Variants in DNAH9 observed in about 807,000 individuals in gnomAD.
The protein encoded by DNAH9 is DNAH9 variant protein.
In DNAH9, 345 loss-of-function variants were observed where a neutral mutation model predicts 471.6. The observed-to-expected ratio is 0.73, with a 90% CI of 0.67 to 0.80. The LOEUF (loss-of-function observed/expected upper bound fraction) is 0.80, where lower values mean the gene tolerates loss of function less well. Among genes scored for constraint, DNAH9 ranks in the 30% least tolerant of loss-of-function variants. The probability of loss-of-function intolerance (pLI) is 0.00; values close to 1 mark genes in which losing one functional copy is unlikely to be tolerated. For synonymous variants in DNAH9, 2,093 were observed against 2,123.6 expected (o/e 0.99, Z 0.40); for missense variants, 5,407 against 5,609.2 (o/e 0.96, Z 1.15).
At position 11,807,875 on chromosome 17, in the gene DNAH9, A is replaced by G; in HGVS notation, c.8564A>G (p.Tyr2855Cys). 1 of 1,610,348 alleles carries G rather than the reference A, an allele frequency of 6.2e-7. No homozygotes were observed. Among genetic ancestry groups the G allele is most frequent in the Non-Finnish European group, 8.5e-7 (1 of 1,177,094 alleles). Reference sequence around the variant, plus strand: ...TTCCAGATCACACTGCGCAAAGGCTACCAGATCCAGGACTTCAAGGTAAAA... The same window carrying G: ...TTCCAGATCACACTGCGCAAAGGCTGCCAGATCCAGGACTTCAAGGTAAAA... ...DVFQITLRKG[Y>C]QIQDFKMDLA... Residue 2855 changes from tyrosine (Y) to cysteine (C), a missense_variant, in exon 44 of 69, where the codon TAC becomes TGC. By Grantham distance (194) the Tyr-to-Cys change is radical (BLOSUM62 -2). Around this residue, in one of 3 missense-constraint regions of DNAH9, gnomAD observed 4,636 missense variants for 4,900.3 expected, o/e 0.95. Coordinates refer to ENST00000262442, the MANE Select transcript of DNAH9 (RefSeq NM_001372.4).
chr17:11,747,641 G>A lies in DNAH9; in HGVS notation c.6485G>A (p.Arg2162Lys), dbSNP rs61743635. The A allele has an allele frequency of 0.091, 146,569 of 1,613,972 alleles. 7,107 individuals carry two copies. Among genetic ancestry groups the A allele is most frequent in the East Asian group, 0.15 (6,546 of 44,844 alleles). ...GAGTGKSQVLRSLHKTYQIMK... is the reference protein window; with the variant it reads ...GAGTGKSQVLKSLHKTYQIMK... ...GGTACCGGCAAGTCACAGGTGCTGA[G>A]GTCCTTGCACAAGACCTATCAGATC... Residue 2162 changes from arginine (R) to lysine (K), a missense_variant, in exon 32 of 69, where the codon AGG (arginine) becomes AAG (lysine). By Grantham distance (26) the Arg-to-Lys change is conservative. Coordinates refer to ENST00000262442, the MANE Select transcript of DNAH9 (RefSeq NM_001372.4).
intron 42 of DNAH9, among the ~76,000 whole-genome samples, chr17:11,794,836 A>G (rs1969187107): frequency 6.7e-6 from 1 of 148,742 alleles, no homozygotes; most frequent in African/African-American, 2.5e-5. Context: ...ACTGTATATG[A>G]CTCTCTTGGA....
In DNAH9 at chr17:11,629,452, G is replaced by T. The variant is rs369440707; in HGVS notation, c.1386G>T (p.Leu462=). 2 of 1,613,980 alleles carry T rather than the reference G, an allele frequency of 1.2e-6. No individual in the cohort carries two copies. The highest frequency in any genetic ancestry group is 1.3e-5 in the African/African-American group (1 of 74,906). The stretch of plus-strand genomic sequence containing the variant: ...AGACGGCCCTGGATTTCCACAAACT[G>T]GGAAAGGTGGAGTTCAGCGGCGTCA... The part of the protein sequence containing the change: ...LLKTALDFHK[L]GKVEFSGVRG... Residue 462 remains leucine (L), a synonymous_variant, in exon 7 of 69, where the codon CTG becomes CTT. Coordinates refer to ENST00000262442, the MANE Select transcript of DNAH9 (RefSeq NM_001372.4).
chr17:11,834,981 A>G, intron 49 of DNAH9, 83 bp downstream of exon 49: 1 of 1,522,728 alleles, frequency 6.6e-7, no homozygotes, highest in Admixed American at 2.0e-5. Context: ...AAGAGATGCA[A>G]GGACAATGTT....
At chr17:11,941,819 T>G (rs981429574) in intron 66 of DNAH9, among the ~76,000 whole-genome samples, 1 of 151,746 alleles carries the variant, frequency 6.6e-6, no homozygotes, top group Admixed American at 6.7e-5. Flanking sequence ...AACTGTATAT[T>G]GATATACTGT....
rs1157523709 is a variant in DNAH9, at chr17:11,852,895, G to GTA, written c.9508-1095_9508-1094dup. Among the ~76,000 whole-genome samples the GTA allele has an allele frequency of 4.2e-3, 573 of 135,828 alleles. 5 individuals carry two copies. The highest frequency in any genetic ancestry group is 0.013 in the African/African-American group (495 of 37,344). The allele number at this position is 135,828 out of a possible 152,430, so 89.1% of individuals were successfully genotyped here. A position where few individuals can be genotyped will look rare whatever the true frequency, so the allele number is the denominator to read the frequency against. On this transcript the variant is annotated intron_variant, in intron 49 of 68. Coordinates refer to ENST00000262442, the MANE Select transcript of DNAH9 (RefSeq NM_001372.4). ...GTATATATAAAAGAAAGTAGGATGT[G>GTA]TATATATATATATAAAAGAAAGTAT...
intron 45 of DNAH9, among the ~76,000 whole-genome samples, chr17:11,812,054 T>C (rs7224040): frequency 0.26 from 12,146 of 47,244 alleles, 2,023 homozygotes; most frequent in East Asian, 0.4. Context: ...TATATATATA[T>C]ACACATACAT....
intron 14 of DNAH9, among the ~76,000 whole-genome samples, chr17:11,660,098 A>G (rs1429132238): frequency 6.6e-6 from 1 of 151,790 alleles, no homozygotes; most frequent in African/African-American, 2.4e-5. Flanking sequence ...TCTATTTTCT[A>G]GTTTATTAAT....
At chr17:11,719,189 C>T in intron 26 of DNAH9, 145 bp from the exon 27 acceptor site, 1 of 729,542 alleles carries the variant, frequency 1.4e-6, no homozygotes, top group Non-Finnish European at 2.2e-6. Flanking sequence ...GAGTCCTCCC[C>T]ACAGTGCTGT....
Position 11,946,188 on chromosome 17 carries a change from A to T in DNAH9, c.12843+3703A>T, listed in dbSNP as rs1032846670. On this transcript the variant is annotated intron_variant, in intron 67 of 68. Coordinates refer to ENST00000262442, the MANE Select transcript of DNAH9 (RefSeq NM_001372.4). Reference sequence around the variant, plus strand: ...GCACTCCAGTCTGGGTGACAGAGCAAGAGTCCATCTCAAAAAAAAAAAAAA... The same window carrying T: ...GCACTCCAGTCTGGGTGACAGAGCATGAGTCCATCTCAAAAAAAAAAAAAA... Among the ~76,000 whole-genome samples the T allele has an allele frequency of 2.2e-4, 31 of 142,846 alleles. 1 individual carries two copies. 93.7% of individuals were successfully genotyped at this position (142,846 alleles called of 152,430 possible).
chr17:11,849,902 A>G (rs939572386), intron 49 of DNAH9, among the ~76,000 whole-genome samples: 3 of 152,152 alleles, frequency 2.0e-5, no homozygotes, highest in African/African-American at 7.2e-5. Context: ...CTGCACACAT[A>G]TTGATTCATT....
Position 11,962,193 on chromosome 17 carries a change from T to G in DNAH9, c.13170T>G (p.Ser4390Arg). Reference protein sequence around the residue: ...MTKKNREEFRSPPREGAYIHG... With the variant: ...MTKKNREEFRRPPREGAYIHG... ...AGAAGAACAGAGAAGAGTTTAGGAGTCCTCCTCGGGAAGGGGCCTACATCC... is the reference window on the plus strand; with the variant it reads ...AGAAGAACAGAGAAGAGTTTAGGAGGCCTCCTCGGGAAGGGGCCTACATCC... The change falls in exon 68 of 69, where the codon AGT (serine) becomes AGG (arginine). Residue 4390 changes from serine (S) to arginine (R), a missense_variant. Transcript: ENST00000262442. The surrounding 1 kb of genome is among the most constrained non-coding windows in gnomAD (Gnocchi z 4.1). The G allele has an allele frequency of 6.2e-7, 1 of 1,613,706 alleles. No homozygotes were observed. Among genetic ancestry groups the G allele is most frequent in the Non-Finnish European group, 8.5e-7 (1 of 1,179,922 alleles).
rs757903592 is a variant in DNAH9 at position 11,942,476 on chromosome 17, C to T, written c.12834C>T (p.Leu4278=). The T allele has an allele frequency of 7.3e-5, 118 of 1,613,674 alleles. 2 individuals carry two copies. Among genetic ancestry groups the T allele is most frequent in the Admixed American group, 5.2e-4 (31 of 60,002 alleles). The change falls in exon 67 of 69, where the codon CTC becomes CTT. Residue 4278 remains leucine, a synonymous_variant. Coordinates refer to ENST00000262442, the MANE Select transcript of DNAH9 (RefSeq NM_001372.4). ...AGCGCTCACTGAGGGAGCTGGAGCTCGGCTTAAAGGTGAGCGCGGTCTTGT... is the reference window on the plus strand; with the variant it reads ...AGCGCTCACTGAGGGAGCTGGAGCTTGGCTTAAAGGTGAGCGCGGTCTTGT... ...EIQRSLRELE[L]GLKGELTMTS... is the part of the protein sequence containing the mutation.
At chr17:11,738,624 G>A (rs942495554) in intron 28 of DNAH9, among the ~76,000 whole-genome samples, 1 of 152,094 alleles carries the variant, frequency 6.6e-6, no homozygotes, top group Non-Finnish European at 1.5e-5. Flanking sequence ...CGAGTGATCT[G>A]CCCGCCTTGG....
rs752647137 is a variant in DNAH9 at position 11,797,662 on chromosome 17, TG to T, written c.8293del (p.Glu2765SerfsTer13). On this transcript the variant is annotated frameshift_variant, in exon 43 of 69. Coordinates refer to ENST00000262442, the MANE Select transcript of DNAH9 (RefSeq NM_001372.4). LOFTEE classifies it high-confidence loss of function. ...TGTATTGTCACTTTGCAAATGGTAT[TG>T]GGGAGCCCAAATACATGCCTGTACA... ...NLYCHFANGI[G>X]EPKYMPVQSW... The T allele has an allele frequency of 2.0e-5, 32 of 1,614,196 alleles. No individual in the cohort carries two copies. In the African/African-American group the frequency reaches 3.9e-4, roughly 19 times the overall value.
intron 57 of DNAH9, among the ~76,000 whole-genome samples, chr17:11,891,171 C>A (rs139420573): frequency 5.3e-5 from 8 of 152,256 alleles, no homozygotes; most frequent in Admixed American, 4.6e-4. Context: ...AAGCAGGCTA[C>A]GCTCCCTGCA....
intron 19 of DNAH9, among the ~76,000 whole-genome samples, chr17:11,681,239 TA>T (rs1296618126): frequency 6.6e-6 from 1 of 152,240 alleles, no homozygotes. Flanking sequence ...CTTTTGGTTT[TA>T]AAAAGTGGCT....
rs966413237 is a variant in DNAH9 at position 11,736,855 on chromosome 17, G to A, written c.5815-2025G>A. ...GAACAGCAGAAAAGGTCCCAGGCTC[G>A]TGCCTTAGTCTTCGCCCAAAGGTAG... On this transcript the variant is annotated intron_variant, in intron 28 of 68. Transcript: ENST00000262442. Among the ~76,000 whole-genome samples, 6 of 152,246 alleles carry A rather than the reference G, an allele frequency of 3.9e-5. No homozygotes were observed. In the East Asian group the frequency reaches 7.7e-4, roughly 20 times the overall value.
intron 4 of DNAH9, among the ~76,000 whole-genome samples, chr17:11,613,320 TA>T: frequency 6.6e-6 from 1 of 152,010 alleles, no homozygotes. Flanking sequence ...GAAAGTTTTT[TA>T]AAAAAAATAT....
Sources: allele counts gnomAD v4.1 joint callset (sites outside exome capture counted in the v4.1 genomes callset), GRCh38; gene constraint gnomAD v4.1.1; regional missense constraint gnomAD v4.1.1; non-coding constraint Gnocchi (gnomAD v3.1); transcripts MANE v1.5; gene names NCBI Gene and HGNC (gene_info 2026-07-23, HGNC 2026-07-21).